DVL3: variants seen among roughly 807,000 people sequenced by gnomAD.
The protein encoded by DVL3 is dishevelled segment polarity protein 3, also known as segment polarity protein dishevelled homolog DVL-3.
Under a neutral mutation model 67.4 loss-of-function variants are expected in DVL3, and 27 were observed. The observed-to-expected ratio is 0.40, with a 90% CI of 0.30 to 0.55. The LOEUF is 0.55. Among genes scored for constraint, DVL3 ranks in the 20% least tolerant of loss-of-function variants. The probability of loss-of-function intolerance (pLI) is 0.46; values close to 1 mark genes in which losing one functional copy is unlikely to be tolerated. For synonymous variants in DVL3, 369 were observed against 396.8 expected, an observed-to-expected ratio of 0.93 and a Z score of 0.83; for missense variants, 819 against 1,021.5, an observed-to-expected ratio of 0.80 and a Z score of 2.70.
Position 184,155,811 on chromosome 3 carries a change from CG to C in DVL3, c.161+16del. On this transcript the variant is annotated intron_variant, in intron 1 of 14. Transcript: ENST00000313143. This position sits in a 1 kb window ranked among gnomAD's most constrained non-coding sequence, Gnocchi z 5.4. ...GACGATTTCGGGTGAGGATGGCCCCCGCCCCGCCTCCGGGAGCCCCGGCCGC... is the reference window on the plus strand; with the variant it reads ...GACGATTTCGGGTGAGGATGGCCCCCCCCCGCCTCCGGGAGCCCCGGCCGC... 1.3e-6 allele frequency: 2 copies of C among 1,596,334 alleles called. No homozygotes were observed. The highest frequency in any genetic ancestry group is 1.7e-6 in the Non-Finnish European group (2 of 1,171,692).
chr3:184,158,468 A>G (rs572654017), intron 1 of DVL3, among the ~76,000 whole-genome samples: 8 of 152,312 alleles, frequency 5.3e-5, no homozygotes, highest in Non-Finnish European at 1.2e-4. Flanking sequence ...CCTTAATCGC[A>G]CAATTTTAGG....
Position 184,166,273 on chromosome 3 carries a change from T to C in DVL3, c.903+8T>C. On this transcript the variant is annotated splice_region_variant and intron_variant, in intron 8 of 14. Coordinates refer to ENST00000313143, the MANE Select transcript of DVL3 (RefSeq NM_004423.4). This position sits in a 1 kb window ranked among gnomAD's most constrained non-coding sequence, Gnocchi z 6.7. ...GGAGATATGTTGTTACAGGTATCAG[T>C]GCCCATCCTAGGCGGTGGTGTGGAT... is the stretch of plus-strand genomic sequence containing the variant. 1.2e-6 allele frequency: 2 copies of C among 1,612,168 alleles called. No individual in the cohort carries two copies. Among genetic ancestry groups the C allele is most frequent in the South Asian group, 2.2e-5 (2 of 90,994 alleles).
Position 184,171,259 on chromosome 3 carries a change from T to C in DVL3, c.*504T>C. 1 of 1,052,306 alleles carries C rather than the reference T, an allele frequency of 9.5e-7. No individual in the cohort carries two copies. The highest frequency in any genetic ancestry group is 1.1e-6 in the Non-Finnish European group (1 of 871,686). 65.2% of individuals were successfully genotyped at this position (1,052,306 alleles called of 1,614,324 possible). A position where few individuals can be genotyped will look rare whatever the true frequency, so the allele number is the denominator to read the frequency against. ...GAAACCAAAATATATTTGCTTCATC[T>C]GCCCCTACTAACCATCCCCCTGCCT... On this transcript the variant is annotated 3_prime_UTR_variant, in exon 15 of 15. Transcript: ENST00000313143.
Position 184,165,821 on chromosome 3 carries a change from A to G in DVL3, c.764-305A>G, listed in dbSNP as rs1488307104. ...CTCTCTTTATGAGACAGCTGGATAT[A>G]GTAAAAGGAGCCCAACTATGGGATT... On this transcript the variant is annotated intron_variant, in intron 7 of 14. Coordinates refer to ENST00000313143, the MANE Select transcript of DVL3 (RefSeq NM_004423.4). This position sits in a 1 kb window ranked among gnomAD's most constrained non-coding sequence, Gnocchi z 4.1. 6.6e-6 allele frequency among the ~76,000 whole-genome samples: 1 copy of G among 152,232 alleles called. No homozygotes were observed. Among genetic ancestry groups the G allele is most frequent in the African/African-American group, 2.4e-5 (1 of 41,462 alleles).
rs1407657976 is a variant in DVL3 at position 184,164,376 on chromosome 3, C to T, written c.341C>T (p.Pro114Leu). Residue 114 changes from proline to leucine, a missense_variant, in exon 3 of 15, where the codon CCC (proline) becomes CTC (leucine). Physicochemically the swap from Pro to Leu is moderately conservative, Grantham distance 98. Around this residue, in one of 3 missense-constraint regions of DVL3, gnomAD observed 385 missense variants for 486.8 expected, o/e 0.79. Coordinates refer to ENST00000313143, the MANE Select transcript of DVL3 (RefSeq NM_004423.4). The surrounding 1 kb of genome is among the most constrained non-coding windows in gnomAD (Gnocchi z 5.3). ...ACGGGAGGCATCGGGGACTCCCGACCCCCATCCTTCCAGTGAGTGTGACCT... is the reference window on the plus strand; with the variant it reads ...ACGGGAGGCATCGGGGACTCCCGACTCCCATCCTTCCAGTGAGTGTGACCT... ...ERTGGIGDSR[P>L]PSFHPHAGGG... 1 of 1,613,826 alleles carries T rather than the reference C, an allele frequency of 6.2e-7. No individual in the cohort carries two copies. Among genetic ancestry groups the T allele is most frequent in the South Asian group, 1.1e-5 (1 of 91,064 alleles).
Position 184,155,911 on chromosome 3 carries a change from C to G in DVL3, c.161+115C>G. 7.7e-7 allele frequency: 1 copy of G among 1,299,438 alleles called. No homozygotes were observed. Among genetic ancestry groups the G allele is most frequent in the Non-Finnish European group, 1.0e-6 (1 of 956,070 alleles). 80.5% of individuals were successfully genotyped at this position (1,299,438 alleles called of 1,614,324 possible). A position where few individuals can be genotyped will look rare whatever the true frequency, so the allele number is the denominator to read the frequency against. The stretch of plus-strand genomic sequence containing the variant: ...CCGGCTCCTAGCCCCGCTCTGACTT[C>G]TAGGGGCGACTCGGCCCATTTGGGC... On this transcript the variant is annotated intron_variant, in intron 1 of 14. Transcript: ENST00000313143. The surrounding 1 kb of genome is among the most constrained non-coding windows in gnomAD (Gnocchi z 5.4).
chr3:184,167,023 G>A lies in DVL3; in HGVS notation c.1198+48G>A, dbSNP rs763518408. 1.9e-6 allele frequency: 3 copies of A among 1,602,110 alleles called. No individual in the cohort carries two copies. The highest frequency in any genetic ancestry group is 1.1e-5 in the South Asian group (1 of 90,032). ...TGGGCCCAGCAGACAGGGCCAGGTG[G>A]GGGGACTGATGAGGGTCCATGTGGA... On this transcript the variant is annotated intron_variant, in intron 11 of 14. Coordinates refer to ENST00000313143, the MANE Select transcript of DVL3 (RefSeq NM_004423.4). The surrounding 1 kb of genome is among the most constrained non-coding windows in gnomAD (Gnocchi z 4.6).
In DVL3 at chr3:184,170,035, G is replaced by T. The variant is rs1303853739; in HGVS notation, c.1528G>T (p.Asp510Tyr). 1.2e-6 allele frequency: 2 copies of T among 1,611,316 alleles called. No individual in the cohort carries two copies. The highest frequency in any genetic ancestry group is 1.7e-6 in the Non-Finnish European group (2 of 1,178,284). ...GGCCAACCTGTCTCTCCACGATCAC[G>T]ATGGCTCCAGTGGCGCCTCTGACCA... ...NMANLSLHDH[D>Y]GSSGASDQDT... is the part of the protein sequence containing the mutation. Residue 510 changes from aspartate to tyrosine, a missense_variant, in exon 14 of 15, where the codon GAT becomes TAT. Coordinates refer to ENST00000313143, the MANE Select transcript of DVL3 (RefSeq NM_004423.4). The surrounding 1 kb of genome is among the most constrained non-coding windows in gnomAD (Gnocchi z 6.5).
Position 184,163,703 on chromosome 3 carries a change from T to C in DVL3, c.208T>C (p.Phe70Leu), listed in dbSNP as rs1349297260. The C allele has an allele frequency of 1.9e-6, 3 of 1,614,058 alleles. No individual in the cohort carries two copies. The East Asian group carries it at 6.7e-5, about 36-fold the overall frequency. The change falls in exon 2 of 15, where the codon TTC becomes CTC. Residue 70 changes from phenylalanine (F) to leucine (L), a missense_variant. Physicochemically the swap from Phe to Leu is conservative, Grantham distance 22. Coordinates refer to ENST00000313143, the MANE Select transcript of DVL3 (RefSeq NM_004423.4). The surrounding 1 kb of genome is among the most constrained non-coding windows in gnomAD (Gnocchi z 4.5). ...GGATGACAATGCCAAGCTACCATGC[T>C]TCAATGGCCGGGTGGTGTCCTGGGT... is the stretch of plus-strand genomic sequence containing the variant. ...ISDDNAKLPC[F>L]NGRVVSWLVS...
chr3:184,171,107 G>A lies in DVL3; in HGVS notation c.*352G>A, dbSNP rs1381135712. The A allele has an allele frequency of 1.6e-6, 2 of 1,215,736 alleles. No individual in the cohort carries two copies. Among genetic ancestry groups the A allele is most frequent in the African/African-American group, 1.6e-5 (1 of 63,414 alleles). The allele number at this position is 1,215,736 out of a possible 1,614,324, so 75.3% of individuals were successfully genotyped here. On this transcript the variant is annotated 3_prime_UTR_variant, in exon 15 of 15. Coordinates refer to ENST00000313143, the MANE Select transcript of DVL3 (RefSeq NM_004423.4). ...ACCCCAGCAATGACCTTGGTGGCAC[G>A]CTCACTCCCTCATTCTCTCGTTTCC...
At position 184,155,811 on chromosome 3, in the gene DVL3, C is replaced by A. The variant is rs374896382; in HGVS notation, c.161+15C>A. ...GACGATTTCGGGTGAGGATGGCCCC[C>A]GCCCCGCCTCCGGGAGCCCCGGCCG... On this transcript the variant is annotated intron_variant, in intron 1 of 14. Transcript: ENST00000313143. This position sits in a 1 kb window ranked among gnomAD's most constrained non-coding sequence, Gnocchi z 5.4. 15 of 1,596,216 alleles carry A rather than the reference C, an allele frequency of 9.4e-6. No individual in the cohort carries two copies. The African/African-American group carries it at 1.9e-4, about 20-fold the overall frequency.
rs745582894 is a variant in DVL3, at chr3:184,170,169, G to C, written c.1662G>C (p.Pro554=). Residue 554 remains proline (P), a synonymous_variant, in exon 14 of 15, where the codon CCG becomes CCC. Coordinates refer to ENST00000313143, the MANE Select transcript of DVL3 (RefSeq NM_004423.4). The surrounding 1 kb of genome is among the most constrained non-coding windows in gnomAD (Gnocchi z 6.5). ...PHPYNPHPGF[P]ELGYSYGGGS... ...CATACAACCCGCACCCGGGCTTCCC[G>C]GAGCTGGGCTACAGCTACGGCGGGG... is the stretch of plus-strand genomic sequence containing the variant. The C allele has an allele frequency of 5.8e-5, 94 of 1,613,326 alleles. No individual in the cohort carries two copies. The highest frequency in any genetic ancestry group is 1.7e-4 in the Admixed American group (10 of 59,980).
chr3:184,169,770 T>A (rs766562580), intron 13 of DVL3, among the ~76,000 whole-genome samples: 2 of 151,944 alleles, frequency 1.3e-5, no homozygotes, highest in Non-Finnish European at 2.9e-5. Flanking sequence ...GATTGGGAGG[T>A]ACAGCTTTGG....
rs540853037 is a variant in DVL3 at position 184,170,297 on chromosome 3, C to G, written c.1715-22C>G. ...CCCGCCCGCTCAGCCTGCCCCACCC[C>G]GGCCCTGTTTGCCTCCTACAGGCAG... On this transcript the variant is annotated intron_variant, in intron 14 of 14. Coordinates refer to ENST00000313143, the MANE Select transcript of DVL3 (RefSeq NM_004423.4). The surrounding 1 kb of genome is among the most constrained non-coding windows in gnomAD (Gnocchi z 6.5). The G allele has an allele frequency of 1.9e-6, 3 of 1,591,896 alleles. No homozygotes were observed. In the African/African-American group the frequency reaches 4.0e-5, roughly 21 times the overall value.
Position 184,171,057 on chromosome 3 carries a change from T to C in DVL3, c.*302T>C. The C allele has an allele frequency of 7.8e-7, 1 of 1,288,956 alleles. No individual in the cohort carries two copies. Among genetic ancestry groups the C allele is most frequent in the Non-Finnish European group, 9.9e-7 (1 of 1,007,662 alleles). 79.8% of individuals were successfully genotyped at this position (1,288,956 alleles called of 1,614,324 possible). ...TTGTTGGTGCTACCCCTTACTCCCCTCTGCAACCCCCATTTTGGGAGTTGA... is the reference window on the plus strand; with the variant it reads ...TTGTTGGTGCTACCCCTTACTCCCCCCTGCAACCCCCATTTTGGGAGTTGA... On this transcript the variant is annotated 3_prime_UTR_variant, in exon 15 of 15. Coordinates refer to ENST00000313143, the MANE Select transcript of DVL3 (RefSeq NM_004423.4).
chr3:184,165,361 G>A lies in DVL3; in HGVS notation c.694-61G>A, dbSNP rs1714544268. On this transcript the variant is annotated intron_variant, in intron 6 of 14. Transcript: ENST00000313143. The surrounding 1 kb of genome is among the most constrained non-coding windows in gnomAD (Gnocchi z 4.1). ...CACCGGGGACTCACCTTGAGGAGGAGTCAGGTGGGAGTGAATTCCTGCCAC... is the reference window on the plus strand; with the variant it reads ...CACCGGGGACTCACCTTGAGGAGGAATCAGGTGGGAGTGAATTCCTGCCAC... 1 of 1,579,008 alleles carries A rather than the reference G, an allele frequency of 6.3e-7. No homozygotes were observed. The highest frequency in any genetic ancestry group is 1.7e-4 in the Middle Eastern group (1 of 5,948).
rs1442605276 is a variant in DVL3, at chr3:184,165,640, T to C, written c.763+149T>C. 2.9e-6 allele frequency: 2 copies of C among 698,574 alleles called. No homozygotes were observed. The highest frequency in any genetic ancestry group is 5.4e-5 in the East Asian group (2 of 36,868). 43.3% of individuals were successfully genotyped at this position (698,574 alleles called of 1,614,324 possible). On this transcript the variant is annotated intron_variant, in intron 7 of 14. Coordinates refer to ENST00000313143, the MANE Select transcript of DVL3 (RefSeq NM_004423.4). The surrounding 1 kb of genome is among the most constrained non-coding windows in gnomAD (Gnocchi z 4.1). ...GATACATAAACTGATCATTTTAGTATCTCACCATCAGGGCTATGACAGAGA... is the reference window on the plus strand; with the variant it reads ...GATACATAAACTGATCATTTTAGTACCTCACCATCAGGGCTATGACAGAGA...
rs1199020521 is a variant in DVL3 at position 184,166,943 on chromosome 3, C to T, written c.1166C>T (p.Ser389Phe). ...PSLSTITSTSSSITSSIPDTE... is the reference protein window; with the variant it reads ...PSLSTITSTSFSITSSIPDTE... Reference sequence around the variant, plus strand: ...CTGAGCACCATCACCTCCACCAGCTCCTCCATCACCAGTTCCATCCCTGAC... The same window carrying T: ...CTGAGCACCATCACCTCCACCAGCTTCTCCATCACCAGTTCCATCCCTGAC... The change falls in exon 11 of 15, where the codon TCC becomes TTC. Residue 389 changes from serine (S) to phenylalanine (F), a missense_variant. Ser to Phe is a radical substitution (Grantham distance 155). Around this residue, in one of 3 missense-constraint regions of DVL3, gnomAD observed 110 missense variants for 203.4 expected, o/e 0.54. Transcript: ENST00000313143. This position sits in a 1 kb window ranked among gnomAD's most constrained non-coding sequence, Gnocchi z 6.7. 6.2e-7 allele frequency: 1 copy of T among 1,614,180 alleles called. No homozygotes were observed. The highest frequency in any genetic ancestry group is 1.7e-5 in the Admixed American group (1 of 60,022).
chr3:184,155,529 A>G lies in DVL3; in HGVS notation c.-107A>G. 1 of 698,772 alleles carries G rather than the reference A, an allele frequency of 1.4e-6. No individual in the cohort carries two copies. Among genetic ancestry groups the G allele is most frequent in the Non-Finnish European group, 1.8e-6 (1 of 570,528 alleles). 43.3% of individuals were successfully genotyped at this position (698,772 alleles called of 1,614,324 possible). A position where few individuals can be genotyped will look rare whatever the true frequency, so the allele number is the denominator to read the frequency against. On this transcript the variant is annotated 5_prime_UTR_variant, in exon 1 of 15. Transcript: ENST00000313143. The surrounding 1 kb of genome is among the most constrained non-coding windows in gnomAD (Gnocchi z 5.4). Reference sequence around the variant, plus strand: ...GAGCTGGCGCCGCCAGCAGCCGCCGAGCTGGGTTGAGCCGCTGGGCCGCGC... The same window carrying G: ...GAGCTGGCGCCGCCAGCAGCCGCCGGGCTGGGTTGAGCCGCTGGGCCGCGC...
Sources: allele counts gnomAD v4.1 joint callset (sites outside exome capture counted in the v4.1 genomes callset), GRCh38; gene constraint gnomAD v4.1.1; regional missense constraint gnomAD v4.1.1; non-coding constraint Gnocchi (gnomAD v3.1); transcripts MANE v1.5; gene names NCBI Gene and HGNC (gene_info 2026-07-23, HGNC 2026-07-21).